The following UBTD1 variants were observed in gnomAD, a reference collection of about 807,000 sequenced individuals.
The protein encoded by UBTD1 is ubiquitin domain containing 1, also known as ubiquitin domain-containing protein 1.
In UBTD1, 19 loss-of-function variants were observed where a neutral mutation model predicts 21.7. The ratio of observed to expected loss-of-function variants is 0.87; its 90% confidence interval spans 0.61 to 1.28. The LOEUF is 1.28. Among genes scored for constraint, UBTD1 ranks in the 50% most tolerant of loss-of-function variants. UBTD1 has a pLI of 0.00. For synonymous variants in UBTD1, 116 were observed against 135.1 expected (o/e 0.86, Z 0.98); for missense variants, 282 against 315.1 (o/e 0.89, Z 0.80).
Position 97,562,108 on chromosome 10 carries a change from T to C in UBTD1, c.71-5806T>C, listed in dbSNP as rs933954408. On this transcript the variant is annotated intron_variant, in intron 1 of 2. Coordinates refer to ENST00000370664, the MANE Select transcript of UBTD1 (RefSeq NM_024954.5). ...TGTCTTCAGGCACAGCTGACCAGCA[T>C]TAACATTAAAACGGTCCAGGCGTGG... is the stretch of plus-strand genomic sequence containing the variant. 2.0e-5 allele frequency among the ~76,000 whole-genome samples: 3 copies of C among 152,110 alleles called. No individual in the cohort carries two copies. The East Asian group carries it at 5.8e-4, about 29-fold the overall frequency.
chr10:97,514,400 A>C (rs962910464), intron 1 of UBTD1, among the ~76,000 whole-genome samples: 5 of 151,954 alleles, frequency 3.3e-5, no homozygotes, highest in Non-Finnish European at 7.4e-5. Flanking sequence ...TTTTCCATTT[A>C]CTGCCCAGTT....
At chr10:97,514,348 C>T (rs576655185) in intron 1 of UBTD1, among the ~76,000 whole-genome samples, 2 of 152,310 alleles carry the variant, frequency 1.3e-5, no homozygotes, top group Admixed American at 6.5e-5. Context: ...GCTTGTTCCC[C>T]ACCTGCCACC....
chr10:97,553,206 A>G (rs1411125722), intron 1 of UBTD1, among the ~76,000 whole-genome samples: 1 of 152,182 alleles, frequency 6.6e-6, no homozygotes, highest in East Asian at 1.9e-4. Context: ...ATCTCAGCTC[A>G]CTGCAACCTC....
At chr10:97,525,866 G>T (rs1258618479) in intron 1 of UBTD1, among the ~76,000 whole-genome samples, 2 of 152,214 alleles carry the variant, frequency 1.3e-5, no homozygotes, top group Admixed American at 1.3e-4. Flanking sequence ...TGGGAATGTG[G>T]TAATGTGGAC....
At chr10:97,544,291 C>CAA (rs35919777) in intron 1 of UBTD1, among the ~76,000 whole-genome samples, 79,346 of 138,790 alleles carry the variant, frequency 0.57, 24,536 homozygotes, top group Non-Finnish European at 0.72. Context: ...AACTCTGTCT[C>CAA]AAAAAAAAAA....
intron 1 of UBTD1, among the ~76,000 whole-genome samples, chr10:97,517,415 A>G (rs1279666670): frequency 2.0e-5 from 3 of 152,078 alleles, no homozygotes; most frequent in Non-Finnish European, 4.4e-5. Context: ...TCCTGGGCCC[A>G]CCAGCTCTGC....
intron 1 of UBTD1, among the ~76,000 whole-genome samples, chr10:97,544,922 T>C (rs1211783083): frequency 2.0e-5 from 3 of 152,052 alleles, no homozygotes; most frequent in African/African-American, 7.2e-5. Context: ...CTTGTCTTCA[T>C]GTTGAGTAGG....
chr10:97,531,251 C>T (rs1022549066), intron 1 of UBTD1, among the ~76,000 whole-genome samples: 2 of 151,026 alleles, frequency 1.3e-5, no homozygotes, highest in African/African-American at 4.9e-5. Flanking sequence ...CTTGCCGTCA[C>T]CCAGTCTGGA....
intron 1 of UBTD1, among the ~76,000 whole-genome samples, chr10:97,524,542 T>G (rs1029704516): frequency 1.3e-5 from 2 of 152,220 alleles, no homozygotes; most frequent in African/African-American, 4.8e-5. Context: ...AGGACTACGA[T>G]GACTTATGTC....
chr10:97,512,017 A>C (rs1017864632), intron 1 of UBTD1, among the ~76,000 whole-genome samples: 3 of 152,148 alleles, frequency 2.0e-5, no homozygotes, highest in Non-Finnish European at 2.9e-5. Flanking sequence ...CAGTATGGGA[A>C]ACTGCCTCTC....
At chr10:97,563,389 G>A (rs994222611) in intron 1 of UBTD1, among the ~76,000 whole-genome samples, 6 of 152,134 alleles carry the variant, frequency 3.9e-5, no homozygotes, top group Non-Finnish European at 7.4e-5. Flanking sequence ...TCGAGGCCTC[G>A]TCAGTTTTGG....
intron 1 of UBTD1, among the ~76,000 whole-genome samples, chr10:97,551,362 C>CCCA (rs2040636509): frequency 6.8e-6 from 1 of 147,654 alleles, no homozygotes; most frequent in Non-Finnish European, 1.5e-5. Flanking sequence ...ATAGGGAGAC[C>CCCA]TCTCTATTAA....
intron 1 of UBTD1, among the ~76,000 whole-genome samples, chr10:97,521,183 T>C (rs911821474): frequency 2.0e-5 from 3 of 152,206 alleles, no homozygotes; most frequent in Non-Finnish European, 2.9e-5. Flanking sequence ...CCTTCTCACC[T>C]GGGACCCGCC....
chr10:97,547,756 G>T (rs1345978119), intron 1 of UBTD1, among the ~76,000 whole-genome samples: 1 of 152,090 alleles, frequency 6.6e-6, no homozygotes, highest in Admixed American at 6.6e-5. Context: ...GTGGAGATGG[G>T]GTTTCACCAT....
intron 1 of UBTD1, among the ~76,000 whole-genome samples, chr10:97,546,152 C>G (rs1162600429): frequency 6.6e-6 from 1 of 152,192 alleles, no homozygotes; most frequent in Non-Finnish European, 1.5e-5. Flanking sequence ...ATGGTGAACA[C>G]CTCAGTTCAG....
chr10:97,510,562 A>G (rs1403511588), intron 1 of UBTD1, among the ~76,000 whole-genome samples: 3 of 152,132 alleles, frequency 2.0e-5, no homozygotes, highest in Admixed American at 1.3e-4. Flanking sequence ...CCTGGGACAT[A>G]TTACCTACTC....
chr10:97,542,937 G>A (rs192772710), intron 1 of UBTD1, among the ~76,000 whole-genome samples: 5 of 152,334 alleles, frequency 3.3e-5, no homozygotes, highest in East Asian at 3.9e-4. Flanking sequence ...AGCACTTCTC[G>A]GCCTTGGCCA....
chr10:97,534,972 G>A (rs1377827155), intron 1 of UBTD1, among the ~76,000 whole-genome samples: 1 of 152,212 alleles, frequency 6.6e-6, no homozygotes, highest in Non-Finnish European at 1.5e-5. Flanking sequence ...AGGAGGGGGC[G>A]GCCTTTCTCC....
intron 1 of UBTD1, among the ~76,000 whole-genome samples, chr10:97,545,164 C>T (rs1367067951): frequency 1.3e-5 from 2 of 150,446 alleles, no homozygotes; most frequent in Non-Finnish European, 3.0e-5. Context: ...GAAACCCCAT[C>T]TCTACTAAAA....
Sources: gnomAD v4.1 joint callset for allele counts (sites outside exome capture counted in the v4.1 genomes callset) on GRCh38, gnomAD v4.1.1 for gene constraint, MANE v1.5 for transcripts, NCBI Gene and HGNC (gene_info 2026-07-23, HGNC 2026-07-21) for gene names.